Variants in ANK3 observed in about 807,000 individuals in gnomAD.
ANK3 encodes ankyrin 3.
In ANK3, 57 loss-of-function variants were observed where a neutral mutation model predicts 370.9. The ratio of observed to expected loss-of-function variants is 0.15; its 90% CI spans 0.12 to 0.19. ANK3 has a LOEUF of 0.19. Among genes scored for constraint, ANK3 ranks in the 10% least tolerant of loss-of-function variants. The pLI, the probability that ANK3 is intolerant of heterozygous loss-of-function variation, is 1.00. For missense variants in ANK3, 4,439 were observed against 5,302.1 expected (o/e 0.84, Z 5.06); for synonymous variants, 1,929 against 1,946.3 (o/e 0.99, Z 0.23).
At position 60,064,184 on chromosome 10, in the gene ANK3, C is replaced by T. The variant is rs2081179583; in HGVS notation, c.12424G>A (p.Val4142Ile). The change falls in exon 39 of 44, where the codon GTT (valine) becomes ATT (isoleucine). Residue 4142 changes from valine (V) to isoleucine (I), a missense_variant. By Grantham distance (29) the Val-to-Ile change is conservative (BLOSUM62 3). This residue lies in a region of ANK3 where 99 missense variants were observed against 150.7 expected (regional missense o/e 0.66). Coordinates refer to ENST00000280772, the MANE Select transcript of ANK3 (RefSeq NM_020987.5). ...GTGGCATTTTTTCCGTCTCTGGTAA[C>T]CCATTTTTTTAATAACATGAAGCTC... ...SQSFMLLKKW[V>I]TRDGKNATTD... 4 of 1,567,908 alleles carry T rather than the reference C, an allele frequency of 2.6e-6. No homozygotes were observed. Among genetic ancestry groups the T allele is most frequent in the Non-Finnish European group, 3.4e-6 (4 of 1,166,438 alleles).
chr10:60,071,318 G>A lies in ANK3; in HGVS notation c.9563C>T (p.Ser3188Leu), dbSNP rs1298616453. 1.2e-6 allele frequency: 2 copies of A among 1,613,962 alleles called. No homozygotes were observed. The highest frequency in any genetic ancestry group is 1.7e-5 in the Admixed American group (1 of 59,974). ...TTTGCCTGGTATATAAGCTATGAGC[G>A]AGTCAGGTGTCTTAGATGTAAATTC... ...SYEFTSKTPD[S>L]LIAYIPGKPS... Residue 3188 changes from serine (S) to leucine (L), a missense_variant, in exon 37 of 44, where the codon TCG becomes TTG. By Grantham distance (145) the Ser-to-Leu change is moderately radical (BLOSUM62 -2). Around this residue, in one of 13 missense-constraint regions of ANK3, gnomAD observed 1,601 missense variants for 1,731.7 expected, o/e 0.92. Transcript: ENST00000280772.
chr10:60,551,820 C>T (rs1418908837), intron 2 of ANK3, among the ~76,000 whole-genome samples: 2 of 152,088 alleles, frequency 1.3e-5, no homozygotes, highest in African/African-American at 2.4e-5. Flanking sequence ...CTTAATACTT[C>T]TTCATATTCA....
chr10:60,160,226 A>G (rs1411374579), intron 23 of ANK3, among the ~76,000 whole-genome samples: 1 of 152,090 alleles, frequency 6.6e-6, no homozygotes, highest in Non-Finnish European at 1.5e-5. Flanking sequence ...AGACATTACA[A>G]CTGATAGTGC....
chr10:60,729,603 G>A (rs146642128), intron 1 of ANK3, among the ~76,000 whole-genome samples: 28 of 152,068 alleles, frequency 1.8e-4, no homozygotes, highest in South Asian at 6.2e-4. Context: ...AAATGACAGC[G>A]CCAAAGCATC....
chr10:60,398,562 G>A (rs1006534262), intron 2 of ANK3, among the ~76,000 whole-genome samples: 10 of 152,270 alleles, frequency 6.6e-5, no homozygotes, highest in Admixed American at 1.3e-4. Context: ...ATTTGAACAT[G>A]ATCACTGACA....
At chr10:60,466,308 G>A (rs1451630133) in intron 2 of ANK3, among the ~76,000 whole-genome samples, 1 of 152,086 alleles carries the variant, frequency 6.6e-6, no homozygotes, top group Non-Finnish European at 1.5e-5. Context: ...AGGATAAGAG[G>A]TGTTTCTAAT....
At chr10:60,690,830 C>T (rs2079341750) in intron 1 of ANK3, among the ~76,000 whole-genome samples, 1 of 152,158 alleles carries the variant, frequency 6.6e-6, no homozygotes, top group Admixed American at 6.5e-5. Flanking sequence ...ATGTGTGAAG[C>T]TTTGGGGCTA....
intron 25 of ANK3, among the ~76,000 whole-genome samples, chr10:60,126,906 T>C (rs1256891301): frequency 1.3e-5 from 2 of 152,208 alleles, no homozygotes; most frequent in Non-Finnish European, 1.5e-5. Context: ...TTACCACCAA[T>C]AGCAACCACA....
Position 60,071,175 on chromosome 10 carries a change from C to A in ANK3, c.9706G>T (p.Val3236Leu). The change falls in exon 37 of 44, where the codon GTG becomes TTG. Residue 3236 changes from valine (V) to leucine (L), a missense_variant. By Grantham distance (32) the Val-to-Leu change is conservative (BLOSUM62 1). This residue lies in a region of ANK3 where 1,601 missense variants were observed against 1,731.7 expected (regional missense o/e 0.92). Transcript: ENST00000280772. ...TAVEREMPND[V>L]SKDSNQRPKN... is the part of the protein sequence containing the mutation. ...GGTCTTTGGTTAGAGTCTTTGCTCA[C>A]GTCATTAGGCATTTCACGCTCAACT... is the stretch of plus-strand genomic sequence containing the variant. 6.2e-7 allele frequency: 1 copy of A among 1,614,092 alleles called. No individual in the cohort carries two copies. The highest frequency in any genetic ancestry group is 8.5e-7 in the Non-Finnish European group (1 of 1,180,006).
intron 4 of ANK3, among the ~76,000 whole-genome samples, chr10:60,275,297 G>A (rs543582486): frequency 3.9e-4 from 59 of 152,046 alleles, no homozygotes; most frequent in Non-Finnish European, 6.8e-4. Context: ...GTTTATAGTG[G>A]TGCTATTATA....
At chr10:60,681,770 A>G (rs1034840032) in intron 1 of ANK3, among the ~76,000 whole-genome samples, 2 of 152,222 alleles carry the variant, frequency 1.3e-5, no homozygotes, top group East Asian at 3.8e-4. Flanking sequence ...GTAAGTTACC[A>G]TGGGACTGAG....
intron 38 of ANK3, among the ~76,000 whole-genome samples, chr10:60,066,047 A>C (rs1174173816): frequency 6.6e-6 from 1 of 152,200 alleles, no homozygotes. Context: ...GACAGATATA[A>C]ATTTTGTTCT....
chr10:60,262,245 G>C (rs576735979), intron 6 of ANK3, among the ~76,000 whole-genome samples: 110 of 152,320 alleles, frequency 7.2e-4, no homozygotes, highest in African/African-American at 2.5e-3. Context: ...AATTAAGATA[G>C]AGATGAGAAA....
intron 2 of ANK3, among the ~76,000 whole-genome samples, chr10:60,402,146 G>C (rs151248262): frequency 6.6e-6 from 1 of 151,964 alleles, no homozygotes; most frequent in African/African-American, 2.4e-5. Context: ...AAATATTCAC[G>C]ATAATATTTA....
At chr10:60,334,812 T>C (rs931350913) in intron 1 of ANK3, among the ~76,000 whole-genome samples, 1 of 152,132 alleles carries the variant, frequency 6.6e-6, no homozygotes, top group African/African-American at 2.4e-5. Context: ...TAATCTAAAC[T>C]TGAGTTTTTT....
intron 25 of ANK3, among the ~76,000 whole-genome samples, chr10:60,120,390 G>A (rs1055060342): frequency 3.3e-5 from 5 of 151,600 alleles, no homozygotes; most frequent in Admixed American, 2.0e-4. Flanking sequence ...GAAACTCTCC[G>A]GGACATTGAA....
At chr10:60,546,056 G>A (rs1049729916) in intron 2 of ANK3, among the ~76,000 whole-genome samples, 1 of 115,238 alleles carries the variant, frequency 8.7e-6, no homozygotes, top group African/African-American at 3.0e-5. Flanking sequence ...ATTATTTAGA[G>A]ACAAGGTCTC....
chr10:60,342,657 G>A (rs2054525089), intron 1 of ANK3, among the ~76,000 whole-genome samples: 1 of 152,156 alleles, frequency 6.6e-6, no homozygotes. Context: ...GGATCTCAGT[G>A]AGCAGTGGTT....
intron 2 of ANK3, among the ~76,000 whole-genome samples, chr10:60,418,402 C>T (rs1373849636): frequency 6.6e-6 from 1 of 152,138 alleles, no homozygotes; most frequent in Non-Finnish European, 1.5e-5. Context: ...AAAGCCTTCC[C>T]TAATCACCAG....
Sources: gnomAD v4.1 joint callset for allele counts (sites outside exome capture counted in the v4.1 genomes callset) on GRCh38, gnomAD v4.1.1 for gene constraint, gnomAD v4.1.1 regional missense constraint, MANE v1.5 for transcripts, NCBI Gene and HGNC (gene_info 2026-07-23, HGNC 2026-07-21) for gene names.